The following PLD5 variants were observed in gnomAD, a reference collection of about 807,000 sequenced individuals.
The protein encoded by PLD5 is inactive phospholipase D5.
In PLD5, 36 loss-of-function variants were observed where a neutral mutation model predicts 61.1. The ratio of observed to expected loss-of-function variants is 0.59; its 90% CI spans 0.45 to 0.78. The LOEUF is 0.78. Ranked by LOEUF, PLD5 falls within the 30% of genes least tolerant of loss-of-function variation. The pLI, the probability that PLD5 is intolerant of heterozygous loss-of-function variation, is 0.00. For synonymous variants in PLD5, 243 were observed against 242.8 expected, an observed-to-expected ratio of 1.00 and a Z score of -0.01; for missense variants, 515 against 644.4, an observed-to-expected ratio of 0.80 and a Z score of 2.17.
chr1:242,087,572 G>A lies in PLD5; in HGVS notation c.*2282C>T, dbSNP rs1236861051. 6.6e-6 allele frequency: 1 copy of A among 151,956 alleles called. No homozygotes were observed. Among genetic ancestry groups the A allele is most frequent in the African/African-American group, 2.4e-5 (1 of 41,360 alleles). The allele number at this position is 151,956 out of a possible 1,614,324, so 9.4% of individuals were successfully genotyped here. A position where few individuals can be genotyped will look rare whatever the true frequency, so the allele number is the denominator to read the frequency against. ...GTTTGTCTGAGTGTGAACTTGGTAG[G>A]TTTGTCTCCACTCCTATTCTGATTC... On this transcript the variant is annotated 3_prime_UTR_variant, in exon 10 of 10. Transcript: ENST00000536534.
chr1:242,386,332 A>G (rs1170137771), intron 1 of PLD5, among the ~76,000 whole-genome samples: 1 of 152,178 alleles, frequency 6.6e-6, no homozygotes, highest in East Asian at 1.9e-4. Flanking sequence ...GGAAAACAGG[A>G]TACATTTGCA....
At chr1:242,441,487 T>A (rs538608941) in intron 1 of PLD5, among the ~76,000 whole-genome samples, 4 of 151,874 alleles carry the variant, frequency 2.6e-5, no homozygotes, top group East Asian at 1.9e-4. Context: ...AAAAAAACTT[T>A]AAAAAAAAAT....
At chr1:242,244,355 A>C (rs2636248) in intron 4 of PLD5, among the ~76,000 whole-genome samples, 108,058 of 152,030 alleles carry the variant, frequency 0.71, 39,780 homozygotes, top group Non-Finnish European at 0.81. Context: ...TCATGGGACA[A>C]ATAGGAGATA....
chr1:242,119,174 G>A (rs1042268035), intron 6 of PLD5, among the ~76,000 whole-genome samples: 40 of 152,114 alleles, frequency 2.6e-4, no homozygotes, highest in African/African-American at 9.7e-4. Context: ...CCATATGAAT[G>A]TAATTTATTT....
At chr1:242,194,030 CCTT>C (rs1425900884) in intron 5 of PLD5, among the ~76,000 whole-genome samples, 1 of 152,104 alleles carries the variant, frequency 6.6e-6, no homozygotes, top group Non-Finnish European at 1.5e-5. Flanking sequence ...AAAAATAGCT[CCTT>C]GACCCATCCG....
At chr1:242,235,427 C>G (rs1392061454) in intron 4 of PLD5, 1 of 152,188 alleles carries the variant, frequency 6.6e-6, no homozygotes, top group Non-Finnish European at 1.5e-5. Context: ...CTGTACCCAG[C>G]AGAAAGCTCA....
At chr1:242,162,761 G>A (rs548417469) in intron 5 of PLD5, among the ~76,000 whole-genome samples, 1 of 152,152 alleles carries the variant, frequency 6.6e-6, no homozygotes, top group African/African-American at 2.4e-5. Flanking sequence ...TAAAAATTTT[G>A]CAAAATGGTT....
intron 5 of PLD5, among the ~76,000 whole-genome samples, chr1:242,217,575 C>T (rs1323432722): frequency 1.3e-5 from 2 of 152,128 alleles, no homozygotes; most frequent in Non-Finnish European, 2.9e-5. Context: ...AGTGAGCTGC[C>T]ACTGCACTCT....
chr1:242,125,582 A>G (rs1662720618), intron 5 of PLD5, among the ~76,000 whole-genome samples: 1 of 152,232 alleles, frequency 6.6e-6, no homozygotes, highest in African/African-American at 2.4e-5. Context: ...ATGAAACTAT[A>G]CAATGTGAAA....
At chr1:242,192,158 T>A (rs1363282787) in intron 5 of PLD5, 2 of 152,264 alleles carry the variant, frequency 1.3e-5, no homozygotes, top group Non-Finnish European at 2.9e-5. Context: ...CTTGTAGGTA[T>A]CCTTCTAATT....
At chr1:242,113,762 T>C (rs1356778211) in intron 7 of PLD5, 128 bp downstream of exon 7, 1 of 1,161,742 alleles carries the variant, frequency 8.6e-7, no homozygotes, top group Non-Finnish European at 1.2e-6. Flanking sequence ...TAAACAGCAA[T>C]GAATGGTGTG....
chr1:242,425,973 T>C (rs1234033158), intron 1 of PLD5, among the ~76,000 whole-genome samples: 1 of 152,158 alleles, frequency 6.6e-6, no homozygotes, highest in African/African-American at 2.4e-5. Context: ...GTCTATAAAC[T>C]TTCTAATTTT....
chr1:242,298,261 T>C (rs1320459397), intron 2 of PLD5, among the ~76,000 whole-genome samples: 1 of 152,232 alleles, frequency 6.6e-6, no homozygotes, highest in East Asian at 1.9e-4. Flanking sequence ...ATTGTATATG[T>C]GAAGAACAAC....
chr1:242,436,437 C>T (rs145555697), intron 1 of PLD5, among the ~76,000 whole-genome samples: 42 of 152,200 alleles, frequency 2.8e-4, no homozygotes, highest in African/African-American at 9.9e-4. Flanking sequence ...TCAAGATCTC[C>T]GTGAGCAACT....
chr1:242,390,067 C>T (rs1385889284), intron 1 of PLD5, among the ~76,000 whole-genome samples: 1 of 46,120 alleles, frequency 2.2e-5, no homozygotes. Context: ...GTCTCCCAGG[C>T]TGGAGTGCAG....
chr1:242,506,940 C>A (rs201565477), intron 1 of PLD5, among the ~76,000 whole-genome samples: 1 of 152,274 alleles, frequency 6.6e-6, no homozygotes, highest in East Asian at 1.9e-4. Context: ...GCGGTACTAA[C>A]GGTGATCACA....
chr1:242,522,213 A>G (rs1669302422), intron 1 of PLD5, among the ~76,000 whole-genome samples: 1 of 152,190 alleles, frequency 6.6e-6, no homozygotes, highest in South Asian at 2.1e-4. Context: ...AAATGAGGAG[A>G]ATGATTTTTT....
intron 2 of PLD5, among the ~76,000 whole-genome samples, chr1:242,305,607 T>G (rs538716944): frequency 6.6e-6 from 1 of 152,276 alleles, no homozygotes; most frequent in East Asian, 1.9e-4. Flanking sequence ...TCACCCAGGC[T>G]GGAGTGCAGT....
At chr1:242,204,199 T>C (rs1480724656) in intron 5 of PLD5, among the ~76,000 whole-genome samples, 1 of 151,512 alleles carries the variant, frequency 6.6e-6, no homozygotes, top group African/African-American at 2.4e-5. Context: ...GCTGAGATCA[T>C]GCCACTGCAC....
Sources: gnomAD v4.1 joint callset for allele counts (sites outside exome capture counted in the v4.1 genomes callset) on GRCh38, gnomAD v4.1.1 for gene constraint, MANE v1.5 for transcripts, NCBI Gene and HGNC (gene_info 2026-07-23, HGNC 2026-07-21) for gene names.